DCC: variants seen among roughly 807,000 people sequenced by gnomAD.
The protein encoded by DCC is DCC netrin 1 receptor, also known as netrin receptor DCC.
DCC carries 58 observed loss-of-function variants against 172.5 expected under a neutral mutation model. The observed-to-expected ratio is 0.34, with a 90% CI of 0.27 to 0.42. The LOEUF (loss-of-function observed/expected upper bound fraction) is 0.42. Ranked by LOEUF, DCC falls within the 10% of genes least tolerant of loss-of-function variation. DCC has a pLI of 1.00. For missense variants in DCC, 1,740 were observed against 1,791.0 expected, an observed-to-expected ratio of 0.97 and a Z score of 0.51; for synonymous variants, 709 against 644.5, an observed-to-expected ratio of 1.10 and a Z score of -1.52.
chr18:53,036,278 G>T (rs764374183), intron 5 of DCC, among the ~76,000 whole-genome samples: 4 of 151,964 alleles, frequency 2.6e-5, no homozygotes, highest in Non-Finnish European at 4.4e-5. Context: ...TGAAAACTTG[G>T]ACTTCTTCCA....
At chr18:53,151,007 C>G (rs2043988865) in intron 7 of DCC, among the ~76,000 whole-genome samples, 1 of 152,160 alleles carries the variant, frequency 6.6e-6, no homozygotes, top group Non-Finnish European at 1.5e-5. Flanking sequence ...AGGGTCAAGC[C>G]AAGCTGAGTA....
At chr18:53,381,841 T>A (rs1336889133) in intron 15 of DCC, among the ~76,000 whole-genome samples, 1 of 152,036 alleles carries the variant, frequency 6.6e-6, no homozygotes, top group Non-Finnish European at 1.5e-5. Flanking sequence ...ATTTAAATTA[T>A]CTGCCAACAC....
Position 53,474,478 on chromosome 18 carries a change from A to G in DCC, c.3736+6468A>G, listed in dbSNP as rs546339293. Among the ~76,000 whole-genome samples the G allele has an allele frequency of 4.5e-4, 69 of 152,216 alleles. 1 individual carries two copies. In the South Asian group the frequency reaches 5.0e-3, roughly 11 times the overall value. ...TCCCATGTCTTGTGGGAGGGTCCCA[A>G]TGGGAGGTAATTGAATCAGGGGCAG... On this transcript the variant is annotated intron_variant, in intron 25 of 28. Transcript: ENST00000442544.
At position 53,279,560 on chromosome 18, in the gene DCC, A is replaced by C. The variant is rs1232761940; in HGVS notation, c.1912-26018A>C. ...ATACCTAATGTTAAATGACGAGTTA[A>C]TGGGTGCAGCACACCAACATGGCAC... On this transcript the variant is annotated intron_variant, in intron 12 of 28. Coordinates refer to ENST00000442544, the MANE Select transcript of DCC (RefSeq NM_005215.4). Among the ~76,000 whole-genome samples, 3 of 150,948 alleles carry C rather than the reference A, an allele frequency of 2.0e-5. No individual in the cohort carries two copies. In the Admixed American group the frequency reaches 2.0e-4, roughly 10 times the overall value.
chr18:53,270,224 A>G (rs1319069386), intron 12 of DCC, among the ~76,000 whole-genome samples: 1 of 152,176 alleles, frequency 6.6e-6, no homozygotes, highest in African/African-American at 2.4e-5. Context: ...ACTTACCTCA[A>G]AAGAGTGCTA....
At chr18:52,636,796 C>T (rs2034788845) in intron 1 of DCC, among the ~76,000 whole-genome samples, 1 of 152,218 alleles carries the variant, frequency 6.6e-6, no homozygotes, top group Non-Finnish European at 1.5e-5. Context: ...CGCCCAACCA[C>T]TGGTCCCTCT....
At chr18:53,104,677 T>C (rs2144229639) in intron 7 of DCC, among the ~76,000 whole-genome samples, 1 of 152,194 alleles carries the variant, frequency 6.6e-6, no homozygotes, top group African/African-American at 2.4e-5. Context: ...CTTGAGTATG[T>C]CTGGATTATC....
At chr18:52,472,636 C>T (rs772374411) in intron 1 of DCC, among the ~76,000 whole-genome samples, 1 of 152,224 alleles carries the variant, frequency 6.6e-6, no homozygotes, top group Non-Finnish European at 1.5e-5. Context: ...GCAGCAGTGG[C>T]TCACGCCTGC....
chr18:53,384,015 A>C (rs1907961513), intron 15 of DCC, among the ~76,000 whole-genome samples: 1 of 152,132 alleles, frequency 6.6e-6, no homozygotes, highest in Non-Finnish European at 1.5e-5. Flanking sequence ...TAATATCAAA[A>C]CATTTAGCCA....
intron 22 of DCC, among the ~76,000 whole-genome samples, chr18:53,445,661 C>G (rs371338561): frequency 6.6e-6 from 1 of 151,984 alleles, no homozygotes; most frequent in Non-Finnish European, 1.5e-5. Context: ...TTTATAAAAA[C>G]AAGTTACTTC....
intron 5 of DCC, among the ~76,000 whole-genome samples, chr18:52,959,235 G>A (rs1412396562): frequency 6.6e-6 from 1 of 152,126 alleles, no homozygotes; most frequent in African/African-American, 2.4e-5. Flanking sequence ...GAGTTCAGTT[G>A]GCTGGATTTG....
chr18:52,895,629 C>T (rs903338154), intron 2 of DCC, among the ~76,000 whole-genome samples: 3 of 152,184 alleles, frequency 2.0e-5, no homozygotes, highest in African/African-American at 7.2e-5. Context: ...ATGTTATGTA[C>T]AGTGGATATA....
intron 1 of DCC, among the ~76,000 whole-genome samples, chr18:52,570,299 A>T (rs866492077): frequency 1.3e-5 from 2 of 152,122 alleles, no homozygotes; most frequent in South Asian, 4.1e-4. Flanking sequence ...CAAAATTCCC[A>T]GTGGCCTTCT....
chr18:52,583,770 C>A (rs1010393648), intron 1 of DCC, among the ~76,000 whole-genome samples: 1 of 152,042 alleles, frequency 6.6e-6, no homozygotes, highest in Non-Finnish European at 1.5e-5. Flanking sequence ...GGTTTAACAA[C>A]GTAAAATATG....
At chr18:52,616,516 C>T (rs1176351115) in intron 1 of DCC, among the ~76,000 whole-genome samples, 3 of 152,030 alleles carry the variant, frequency 2.0e-5, no homozygotes, top group Non-Finnish European at 4.4e-5. Context: ...TTTCTGTAAC[C>T]TCACTGCGCT....
In DCC at chr18:53,416,132, C is replaced by T. The variant is rs773639699; in HGVS notation, c.3139C>T (p.Pro1047Ser). Residue 1047 changes from proline (P) to serine (S), a missense_variant, in exon 21 of 29, where the codon CCT becomes TCT. Physicochemically the swap from Pro to Ser is moderately conservative, Grantham distance 74 (BLOSUM62 -1). Coordinates refer to ENST00000442544, the MANE Select transcript of DCC (RefSeq NM_005215.4). ...ILFRTLKVEH[P>S]DKMANDQGRH... is the part of the protein sequence containing the mutation. ...TTCTTTTTCCCCCGCAGTGGAACAC[C>T]CTGACAAAATGGCTAATGACCAAGG... 2 of 1,610,588 alleles carry T rather than the reference C, an allele frequency of 1.2e-6. No homozygotes were observed. Among genetic ancestry groups the T allele is most frequent in the South Asian group, 1.1e-5 (1 of 91,010 alleles).
At position 53,037,107 on chromosome 18, in the gene DCC, C is replaced by T. The variant is rs78851836; in HGVS notation, c.986-26198C>T. 5.7e-3 allele frequency among the ~76,000 whole-genome samples: 868 copies of T among 152,048 alleles called. 4 individuals are homozygous for T. The highest frequency in any genetic ancestry group is 9.3e-3 in the Non-Finnish European group (633 of 67,936). On this transcript the variant is annotated intron_variant, in intron 5 of 28. Transcript: ENST00000442544. ...CATTACGGGGACATCAGGAAAGACCCTTTCCTCAAAGAGGCATTGTCAACT... is the reference window on the plus strand; with the variant it reads ...CATTACGGGGACATCAGGAAAGACCTTTTCCTCAAAGAGGCATTGTCAACT...
intron 5 of DCC, among the ~76,000 whole-genome samples, chr18:52,964,830 G>C (rs117836641): frequency 0.066 from 9,978 of 152,292 alleles, 428 homozygotes; most frequent in South Asian, 0.15. Context: ...GCGTTGGCAA[G>C]GCTGCAGTCT....
chr18:52,458,441 C>G (rs1250928567), intron 1 of DCC, among the ~76,000 whole-genome samples: 3 of 152,112 alleles, frequency 2.0e-5, no homozygotes, highest in Non-Finnish European at 2.9e-5. Flanking sequence ...GGTTGGATTT[C>G]CTTCTTCCCA....
Sources: gnomAD v4.1 joint callset for allele counts (sites outside exome capture counted in the v4.1 genomes callset) on GRCh38, gnomAD v4.1.1 for gene constraint, MANE v1.5 for transcripts, NCBI Gene and HGNC (gene_info 2026-07-23, HGNC 2026-07-21) for gene names.